GLIS3: variants seen among roughly 807,000 people sequenced by gnomAD.
GLIS3 encodes the protein zinc finger protein GLIS3.
In GLIS3, 53 loss-of-function variants were observed where a neutral mutation model predicts 78.6. The observed-to-expected ratio is 0.67, with a 90% confidence interval of 0.54 to 0.85. The LOEUF (loss-of-function observed/expected upper bound fraction) is 0.85. GLIS3 is among the 40% of genes least tolerant of loss of function. The pLI is 0.00. For missense variants in GLIS3, 1,703 were observed against 1,231.1 expected (o/e 1.38, Z -5.74); for synonymous variants, 684 against 509.9 (o/e 1.34, Z -4.60).
intron 2 of GLIS3, among the ~76,000 whole-genome samples, chr9:4,237,852 G>A (rs532484194): frequency 6.6e-6 from 1 of 152,280 alleles, no homozygotes; most frequent in African/African-American, 2.4e-5. Flanking sequence ...GTTCTCTCCA[G>A]CTTCAGCATT....
At chr9:4,454,947 C>G in the GLIS3 span, among the ~76,000 whole-genome samples, 5 of 152,146 alleles carry the variant, frequency 3.3e-5, no homozygotes, top group Non-Finnish European at 7.3e-5. Context: ...TTCTTAATAA[C>G]TCTTTTTTAT....
chr9:4,170,269 T>C (rs1293910192), intron 2 of GLIS3, among the ~76,000 whole-genome samples: 3 of 152,198 alleles, frequency 2.0e-5, no homozygotes, highest in Admixed American at 6.5e-5. Context: ...GAAAAATTTA[T>C]AGAAGGGCAA....
At chr9:4,126,488 A>T (rs4008695) in intron 2 of GLIS3, among the ~76,000 whole-genome samples, 21 of 147,708 alleles carry the variant, frequency 1.4e-4, no homozygotes, top group African/African-American at 4.3e-4. Flanking sequence ...TCAATTTTTT[A>T]AAATATCAGG....
intron 8 of GLIS3, among the ~76,000 whole-genome samples, chr9:3,859,355 A>G (rs1820010642): frequency 3.9e-4 from 1 of 2,540 alleles, no homozygotes; most frequent in African/African-American, 8.4e-4. Context: ...TTCGAAACAC[A>G]CACACACACA....
chr9:4,429,781 A>C, the GLIS3 span, among the ~76,000 whole-genome samples: 1 of 152,138 alleles, frequency 6.6e-6, no homozygotes, highest in Non-Finnish European at 1.5e-5. Context: ...GAAGTGACGA[A>C]ACTGTATGCA....
At chr9:3,871,674 T>C (rs1035916311) in intron 8 of GLIS3, among the ~76,000 whole-genome samples, 1 of 152,188 alleles carries the variant, frequency 6.6e-6, no homozygotes. Flanking sequence ...GGGCACCAAG[T>C]CCCTAGGCTG....
intron 2 of GLIS3, among the ~76,000 whole-genome samples, chr9:4,240,403 CT>C (rs1345345496): frequency 3.3e-5 from 5 of 152,144 alleles, no homozygotes; most frequent in African/African-American, 1.2e-4. Flanking sequence ...TCACCTCCTG[CT>C]GTGGGACCCA....
the GLIS3 span, among the ~76,000 whole-genome samples, chr9:4,444,490 C>T: frequency 5.9e-5 from 9 of 152,278 alleles, no homozygotes; most frequent in Admixed American, 2.0e-4. Flanking sequence ...CTGTCCTATG[C>T]GAATCATTAA....
chr9:4,021,280 A>C (rs117515491), intron 4 of GLIS3, among the ~76,000 whole-genome samples: 1 of 152,328 alleles, frequency 6.6e-6, no homozygotes, highest in Non-Finnish European at 1.5e-5. Context: ...AACAAACCTG[A>C]ATCAATAATT....
At chr9:4,395,965 G>T in the GLIS3 span, among the ~76,000 whole-genome samples, 1 of 151,002 alleles carries the variant, frequency 6.6e-6, no homozygotes, top group Non-Finnish European at 1.5e-5. Context: ...GTAGAGACAG[G>T]GTTTCACCAT....
At chr9:4,164,189 C>A (rs1835709640) in intron 2 of GLIS3, among the ~76,000 whole-genome samples, 1 of 152,194 alleles carries the variant, frequency 6.6e-6, no homozygotes, top group African/African-American at 2.4e-5. Context: ...GTTATTACAT[C>A]CTGACTCTGA....
chr9:3,955,665 A>G (rs1376427311), intron 4 of GLIS3, among the ~76,000 whole-genome samples: 2 of 152,242 alleles, frequency 1.3e-5, no homozygotes, highest in Non-Finnish European at 2.9e-5. Flanking sequence ...GTTGTAAAGA[A>G]CTAAGCATGA....
chr9:3,845,119 A>T (rs915623397), intron 9 of GLIS3, among the ~76,000 whole-genome samples: 2 of 152,172 alleles, frequency 1.3e-5, no homozygotes, highest in African/African-American at 4.8e-5. Flanking sequence ...GCATATATAT[A>T]TGAAGAGATT....
At chr9:4,126,771 C>T (rs75298071) in intron 2 of GLIS3, among the ~76,000 whole-genome samples, 2 of 152,248 alleles carry the variant, frequency 1.3e-5, no homozygotes, top group East Asian at 3.9e-4. Context: ...CATGGATGCA[C>T]TTTTTCAAAC....
At chr9:3,900,650 A>G (rs1260118618) in intron 6 of GLIS3, among the ~76,000 whole-genome samples, 2 of 152,224 alleles carry the variant, frequency 1.3e-5, no homozygotes, top group African/African-American at 2.4e-5. Context: ...AATGGTATTC[A>G]TGAACATAAA....
Position 3,883,311 on chromosome 9 carries a change from T to G in GLIS3, c.2129-3716A>C, listed in dbSNP as rs567296891. On this transcript the variant is annotated intron_variant, in intron 7 of 10. Coordinates refer to ENST00000381971, the MANE Select transcript of GLIS3 (RefSeq NM_001042413.2). ...ATGCATTCATTCTTCCAAACACAATTTTCCAGCACCTACTCTGCACCAGGC... is the reference window on the plus strand; with the variant it reads ...ATGCATTCATTCTTCCAAACACAATGTTCCAGCACCTACTCTGCACCAGGC... Among the ~76,000 whole-genome samples the G allele has an allele frequency of 6.6e-5, 10 of 152,324 alleles. No homozygotes were observed. In the South Asian group the frequency reaches 1.4e-3, roughly 22 times the overall value.
chr9:3,840,093 T>C (rs1818620943), intron 9 of GLIS3, among the ~76,000 whole-genome samples: 1 of 152,212 alleles, frequency 6.6e-6, no homozygotes, highest in Non-Finnish European at 1.5e-5. Context: ...TGAAATTTTA[T>C]AGGGTTGTGG....
intron 9 of GLIS3, among the ~76,000 whole-genome samples, chr9:3,847,937 C>T (rs1268593923): frequency 6.6e-6 from 1 of 152,200 alleles, no homozygotes; most frequent in Non-Finnish European, 1.5e-5. Flanking sequence ...CTGATTATGA[C>T]TGCTGATGAT....
chr9:4,373,760 T>C, the GLIS3 span, among the ~76,000 whole-genome samples: 31 of 151,466 alleles, frequency 2.0e-4, 1 homozygote, highest in Admixed American at 1.1e-3. Flanking sequence ...CTCCACCTCC[T>C]GGGTTCAAGC....
Sources: gnomAD v4.1 joint callset for allele counts (sites outside exome capture counted in the v4.1 genomes callset) on GRCh38, gnomAD v4.1.1 for gene constraint, MANE v1.5 for transcripts, NCBI Gene and HGNC (gene_info 2026-07-23, HGNC 2026-07-21) for gene names.